The following ANKFN1 variants were observed in gnomAD, a reference collection of about 807,000 sequenced individuals.
ANKFN1 encodes the protein ankyrin repeat and fibronectin type III domain containing 1, also known as ankyrin repeat and fibronectin type-III domain-containing protein 1.
Under a neutral mutation model 108.7 loss-of-function variants are expected in ANKFN1, and 74 were observed. That is an observed-to-expected ratio of 0.68 (90% CI 0.56 to 0.83). ANKFN1 has a LOEUF of 0.83. Among genes scored for constraint, ANKFN1 ranks in the 40% least tolerant of loss-of-function variants. The pLI is 0.00. For synonymous variants in ANKFN1, 547 were observed against 516.2 expected (o/e 1.06, Z -0.81); for missense variants, 1,505 against 1,382.3 (o/e 1.09, Z -1.41).
Position 56,275,198 on chromosome 17 carries a change from C to T in ANKFN1, c.53+47241C>T, listed in dbSNP as rs915956156. Among the ~76,000 whole-genome samples, 6 of 152,036 alleles carry T rather than the reference C, an allele frequency of 3.9e-5. No individual in the cohort carries two copies. In the East Asian group the frequency reaches 1.2e-3, roughly 29 times the overall value. On this transcript the variant is annotated intron_variant, in intron 3 of 20. Transcript: ENST00000682825. Reference sequence around the variant, plus strand: ...ATCTAAAGTTGAGCATAATGCATGACAGTGAGACAGATAAATTAAGAAAGG... The same window carrying T: ...ATCTAAAGTTGAGCATAATGCATGATAGTGAGACAGATAAATTAAGAAAGG...
chr17:56,478,156 G>A (rs2050573780), intron 16 of ANKFN1, among the ~76,000 whole-genome samples: 1 of 152,132 alleles, frequency 6.6e-6, no homozygotes, highest in South Asian at 2.1e-4. Flanking sequence ...AGAATAAGGA[G>A]GGCTTGCCTG....
chr17:56,382,811 G>A (rs2047145922), intron 8 of ANKFN1, among the ~76,000 whole-genome samples: 1 of 152,136 alleles, frequency 6.6e-6, no homozygotes, highest in Non-Finnish European at 1.5e-5. Flanking sequence ...CAATACAGGA[G>A]CACCCAGATT....
chr17:56,368,276 C>CTTTTTGTTTTTTTT (rs2046713991), intron 6 of ANKFN1: 1 of 65,416 alleles, frequency 1.5e-5, no homozygotes, highest in Non-Finnish European at 3.0e-5. Context: ...TGAAAATGAA[C>CTTTTTGTTTTTTTT]TTTTTTTTTT....
intron 2 of ANKFN1, among the ~76,000 whole-genome samples, chr17:56,216,180 A>C (rs1915414915): frequency 1.3e-5 from 2 of 152,234 alleles, no homozygotes; most frequent in African/African-American, 4.8e-5. Context: ...GTTCTATTAA[A>C]ATTGATAGCT....
intron 3 of ANKFN1, among the ~76,000 whole-genome samples, chr17:56,267,362 T>A (rs1055823872): frequency 6.6e-6 from 1 of 152,208 alleles, no homozygotes; most frequent in African/African-American, 2.4e-5. Flanking sequence ...CCTTGGTAGT[T>A]GTCTGTTTAT....
chr17:56,256,685 TC>T (rs1464610378), intron 3 of ANKFN1, among the ~76,000 whole-genome samples: 1 of 148,478 alleles, frequency 6.7e-6, no homozygotes, highest in Non-Finnish European at 1.5e-5. Flanking sequence ...AAGCCCTTTA[TC>T]TATTATACAC....
intron 2 of ANKFN1, among the ~76,000 whole-genome samples, chr17:56,218,211 C>CCCTCCCTCCCTCCCCTCT (rs1915572856): frequency 7.0e-6 from 1 of 142,928 alleles, no homozygotes; most frequent in Non-Finnish European, 1.5e-5. Flanking sequence ...CTCTTCCCCA[C>CCCTCCCTCCCTCCCCTCT]CCTCCCTCCC....
At chr17:56,315,289 A>G (rs1186518639) in intron 3 of ANKFN1, among the ~76,000 whole-genome samples, 2 of 152,192 alleles carry the variant, frequency 1.3e-5, no homozygotes, top group African/African-American at 4.8e-5. Context: ...GAAGTTGCAA[A>G]TGTCACAGAA....
Position 56,434,148 on chromosome 17 carries a change from T to C in ANKFN1, c.911-6179T>C, listed in dbSNP as rs1043040451. 3.9e-5 allele frequency among the ~76,000 whole-genome samples: 6 copies of C among 152,366 alleles called. No individual in the cohort carries two copies. The East Asian group carries it at 1.2e-3, about 29-fold the overall frequency. ...TTTTTGTGGTTACTTGTAGTGCTTA[T>C]GAATTTTTCAAAATCCTGAAAATTT... is the stretch of plus-strand genomic sequence containing the variant. On this transcript the variant is annotated intron_variant, in intron 8 of 20. Transcript: ENST00000682825.
At chr17:56,495,271 G>A (rs1433059494) in intron 19 of ANKFN1, among the ~76,000 whole-genome samples, 2 of 151,966 alleles carry the variant, frequency 1.3e-5, no homozygotes, top group African/African-American at 4.8e-5. Flanking sequence ...TCACTGAGTG[G>A]AGACAATTCA....
chr17:56,331,161 C>A (rs934529653), intron 4 of ANKFN1, among the ~76,000 whole-genome samples: 3 of 152,180 alleles, frequency 2.0e-5, no homozygotes, highest in Admixed American at 1.3e-4. Flanking sequence ...AAGCCAATTG[C>A]TTCTAGAGCT....
At chr17:56,204,743 C>T (rs527814040) in intron 1 of ANKFN1, among the ~76,000 whole-genome samples, 1 of 152,254 alleles carries the variant, frequency 6.6e-6, no homozygotes, top group Non-Finnish European at 1.5e-5. Context: ...TGCCCCTGTA[C>T]CTCCTCCCCA....
chr17:56,189,170 C>CTTTT lies in ANKFN1; in HGVS notation c.-70-23413_-70-23410dup, dbSNP rs532063852. On this transcript the variant is annotated intron_variant, in intron 1 of 20. Coordinates refer to ENST00000682825, the MANE Select transcript of ANKFN1 (RefSeq NM_001370326.1). ...CCTAAGTAAGTAAATGTTGCCCTGACTTTTTTTTTTTTTTTTTTGAGACGG... is the reference window on the plus strand; with the variant it reads ...CCTAAGTAAGTAAATGTTGCCCTGACTTTTTTTTTTTTTTTTTTTTTTGAGACGG... Among the ~76,000 whole-genome samples the CTTTT allele has an allele frequency of 5.2e-4, 44 of 85,264 alleles. 6 individuals are homozygous for CTTTT. Among genetic ancestry groups the CTTTT allele is most frequent in the East Asian group, 1.5e-3 (3 of 2,020 alleles). The allele number at this position is 85,264 out of a possible 152,430, so 55.9% of individuals were successfully genotyped here. A position where few individuals can be genotyped will look rare whatever the true frequency, so the allele number is the denominator to read the frequency against.
At chr17:56,244,871 C>T (rs980389178) in intron 3 of ANKFN1, among the ~76,000 whole-genome samples, 1 of 152,124 alleles carries the variant, frequency 6.6e-6, no homozygotes, top group Non-Finnish European at 1.5e-5. Context: ...ACAAGTATCA[C>T]TCAGATGGCC....
intron 2 of ANKFN1, among the ~76,000 whole-genome samples, chr17:56,220,391 C>T (rs748221722): frequency 1.1e-4 from 16 of 152,104 alleles, no homozygotes; most frequent in South Asian, 6.2e-4. Flanking sequence ...CGGTGGCTCA[C>T]GCCTGTAATT....
chr17:56,140,591 C>G (rs781520393), intron 4 of ANKFN1, among the ~76,000 whole-genome samples: 9 of 152,172 alleles, frequency 5.9e-5, no homozygotes, highest in Non-Finnish European at 1.2e-4. Flanking sequence ...CACCTAGTAG[C>G]TGGATGACCT....
intron 4 of ANKFN1, among the ~76,000 whole-genome samples, chr17:56,134,564 A>G (rs184986102): frequency 9.2e-5 from 14 of 152,322 alleles, no homozygotes; most frequent in African/African-American, 3.1e-4. Context: ...ACTGGGCTCA[A>G]AGACCAAATA....
intron 14 of ANKFN1, among the ~76,000 whole-genome samples, chr17:56,465,124 A>G (rs2050032177): frequency 1.3e-5 from 2 of 151,992 alleles, no homozygotes; most frequent in Admixed American, 1.3e-4. Context: ...TTCACTAGCC[A>G]GTTTACCAGC....
intron 4 of ANKFN1, among the ~76,000 whole-genome samples, chr17:56,342,320 G>T (rs1043999885): frequency 6.7e-6 from 1 of 150,172 alleles, no homozygotes; most frequent in Non-Finnish European, 1.5e-5. Flanking sequence ...TCTGATTTTG[G>T]TTATTTCTTG....
Sources: gnomAD v4.1 joint callset for allele counts (sites outside exome capture counted in the v4.1 genomes callset) on GRCh38, gnomAD v4.1.1 for gene constraint, MANE v1.5 for transcripts, NCBI Gene and HGNC (gene_info 2026-07-23, HGNC 2026-07-21) for gene names.